TTC5: variants seen among roughly 807,000 people sequenced by gnomAD.
TTC5 encodes the protein tetratricopeptide repeat domain 5, also known as tetratricopeptide repeat protein 5.
Under a neutral mutation model 57.4 loss-of-function variants are expected in TTC5, and 46 were observed. The ratio of observed to expected loss-of-function variants is 0.80; its 90% confidence interval spans 0.63 to 1.03. The LOEUF (loss-of-function observed/expected upper bound fraction) is 1.03. Ranked by LOEUF, TTC5 falls within the 50% of genes least tolerant of loss-of-function variation. TTC5 has a pLI of 0.00. For missense variants in TTC5, 504 were observed against 528.1 expected (o/e 0.95, Z 0.45); for synonymous variants, 190 against 203.5 (o/e 0.93, Z 0.57).
chr14:20,295,935 G>C (rs4981951), intron 6 of TTC5, 81 bp from the exon 7 acceptor site: 256,917 of 1,362,344 alleles, frequency 0.19, 25,732 homozygotes, highest in South Asian at 0.21. Context: ...TAGGAATCTA[G>C]AGAAATAAAC....
intron 6 of TTC5, 106 bp downstream of exon 6, chr14:20,296,284 G>T: frequency 1.1e-6 from 1 of 917,592 alleles, no homozygotes; most frequent in Non-Finnish European, 1.8e-6. Flanking sequence ...TCCTCTCGCA[G>T]TCTGTACCCA....
chr14:20,301,355 T>C (rs1156351333), intron 2 of TTC5, among the ~76,000 whole-genome samples: 1 of 152,170 alleles, frequency 6.6e-6, no homozygotes, highest in African/African-American at 2.4e-5. Context: ...AGAAAGTTCC[T>C]CTACAAGTAA....
chr14:20,297,539 G>A (rs1882091043), intron 5 of TTC5, among the ~76,000 whole-genome samples: 1 of 152,162 alleles, frequency 6.6e-6, no homozygotes, highest in African/African-American at 2.4e-5. Context: ...GGGAGACCGA[G>A]GCGGATGGAT....
chr14:20,295,718 A>G lies in TTC5; in HGVS notation c.833T>C (p.Leu278Pro). ...LEFLDRLTSL[L>P]ESKGKVKTKK... The stretch of plus-strand genomic sequence containing the variant: ...TTCAGACATTTTTACCTTACTCTCA[A>G]GGAGGCTGGTTAATCTATCCAGGAA... Residue 278 changes from leucine (L) to proline (P), a missense_variant, in exon 7 of 10, where the codon CTT (leucine) becomes CCT (proline). Physicochemically the swap from Leu to Pro is moderately conservative, Grantham distance 98. Coordinates refer to ENST00000258821, the MANE Select transcript of TTC5 (RefSeq NM_138376.3). 2 of 1,604,508 alleles carry G rather than the reference A, an allele frequency of 1.2e-6. No homozygotes were observed. The highest frequency in any genetic ancestry group is 1.7e-6 in the Non-Finnish European group (2 of 1,177,682).
At chr14:20,301,695 G>T in intron 2 of TTC5, 138 bp downstream of exon 2, 19 of 1,084,722 alleles carry the variant, frequency 1.8e-5, no homozygotes, top group Non-Finnish European at 2.4e-5. Flanking sequence ...AGGTTGCACA[G>T]GGGCCCTGAG....
chr14:20,295,872 C>T lies in TTC5; in HGVS notation c.697-18G>A, dbSNP rs4981148. ...TTATGCAACTGTACAAGAAGTGTAT[C>T]CCAATTATAAGTATATCCAGACAAA... On this transcript the variant is annotated intron_variant, in intron 6 of 9. Transcript: ENST00000258821. 301,783 of 1,556,134 alleles carry T rather than the reference C, an allele frequency of 0.19. 30,995 individuals are homozygous for T. Among genetic ancestry groups the T allele is most frequent in the South Asian group, 0.22 (17,897 of 82,898 alleles).
At chr14:20,297,627 C>T (rs766184389) in intron 5 of TTC5, among the ~76,000 whole-genome samples, 1 of 151,918 alleles carries the variant, frequency 6.6e-6, no homozygotes, top group African/African-American at 2.4e-5. Flanking sequence ...AAAAATTAGG[C>T]GGGCATGGTG....
At chr14:20,296,742 G>A (rs1474652576) in intron 5 of TTC5, among the ~76,000 whole-genome samples, 2 of 152,186 alleles carry the variant, frequency 1.3e-5, no homozygotes, top group Admixed American at 6.5e-5. Flanking sequence ...GCCGGGCACA[G>A]TGGCTCACAC....
Position 20,287,642 on chromosome 14 carries a change from T to C in TTC5, c.*1985A>G, listed in dbSNP as rs1272964978. The C allele has an allele frequency of 6.6e-6, 1 of 152,224 alleles. No homozygotes were observed. Among genetic ancestry groups the C allele is most frequent in the African/African-American group, 2.4e-5 (1 of 41,468 alleles). 9.4% of individuals were successfully genotyped at this position (152,224 alleles called of 1,614,324 possible). On this transcript the variant is annotated 3_prime_UTR_variant, in exon 10 of 10. Transcript: ENST00000258821. ...TACAAATTTTGCATACTTACTTGTT[T>C]GTACGCACTGCTTCTCTGTGGCTAC...
intron 8 of TTC5, chr14:20,293,196 T>C (rs1276237825): frequency 6.6e-6 from 1 of 152,180 alleles, no homozygotes; most frequent in Admixed American, 6.5e-5. Flanking sequence ...ATAAGCTAAG[T>C]AAAATAAAAT....
At chr14:20,302,926 TG>T (rs1882220908) in intron 1 of TTC5, among the ~76,000 whole-genome samples, 1 of 151,876 alleles carries the variant, frequency 6.6e-6, no homozygotes, top group South Asian at 2.1e-4. Flanking sequence ...TCACCAGGCG[TG>T]GTGGCTCATG....
chr14:20,298,681 G>T, intron 5 of TTC5, 116 bp downstream of exon 5: 1 of 698,268 alleles, frequency 1.4e-6, no homozygotes, highest in Non-Finnish European at 2.4e-6. Context: ...AAAATGAGAT[G>T]CCAGCAAACA....
At chr14:20,296,865 T>C (rs1352103799) in intron 5 of TTC5, among the ~76,000 whole-genome samples, 1 of 151,990 alleles carries the variant, frequency 6.6e-6, no homozygotes, top group Non-Finnish European at 1.5e-5. Flanking sequence ...ATACAAAACT[T>C]AGCTAGGCAT....
intron 3 of TTC5, 85 bp downstream of exon 3, chr14:20,300,522 G>A: frequency 8.4e-7 from 1 of 1,184,478 alleles, no homozygotes; most frequent in South Asian, 1.5e-5. Context: ...TTCTACTCTG[G>A]TATTCATGTC....
chr14:20,289,584 T>G lies in TTC5; in HGVS notation c.*43A>C. On this transcript the variant is annotated 3_prime_UTR_variant, in exon 10 of 10. Coordinates refer to ENST00000258821, the MANE Select transcript of TTC5 (RefSeq NM_138376.3). Reference sequence around the variant, plus strand: ...TGGCTGGACCGGCTGTCCAGAGCCTTGTCTCCTCTCCTCCACTCCCTGTTG... The same window carrying G: ...TGGCTGGACCGGCTGTCCAGAGCCTGGTCTCCTCTCCTCCACTCCCTGTTG... 1 of 1,584,508 alleles carries G rather than the reference T, an allele frequency of 6.3e-7. No individual in the cohort carries two copies. The highest frequency in any genetic ancestry group is 8.6e-7 in the Non-Finnish European group (1 of 1,164,334).
At chr14:20,295,970 T>C in intron 6 of TTC5, 116 bp from the exon 7 acceptor site, 1 of 1,094,508 alleles carries the variant, frequency 9.1e-7, no homozygotes, top group Non-Finnish European at 1.3e-6. Flanking sequence ...GTTATTTTCC[T>C]GTGCTGCAAC....
In TTC5 at chr14:20,292,024, C is replaced by T. The variant is rs1475519015; in HGVS notation, c.1162G>A (p.Glu388Lys). 5.7e-6 allele frequency: 9 copies of T among 1,589,196 alleles called. No individual in the cohort carries two copies. The highest frequency in any genetic ancestry group is 7.7e-6 in the Non-Finnish European group (9 of 1,167,866). ...ATTCGGTGAAGCCGCAGGTTGGGCT[C>T]AGGAATGGCTACAGAGTCTCCAATG... ...VLIGDSVAIP[E>K]PNLRLHRIQH... The change falls in exon 9 of 10, where the codon GAG (glutamate) becomes AAG (lysine). Residue 388 changes from glutamate to lysine, a missense_variant. Physicochemically the swap from Glu to Lys is moderately conservative, Grantham distance 56. Transcript: ENST00000258821.
At chr14:20,298,089 T>A (rs933293768) in intron 5 of TTC5, among the ~76,000 whole-genome samples, 13 of 152,136 alleles carry the variant, frequency 8.5e-5, no homozygotes, top group African/African-American at 3.1e-4. Context: ...TAAAAAGCAA[T>A]TCTCTATATC....
At chr14:20,291,784 T>C (rs1417001072) in intron 9 of TTC5, among the ~76,000 whole-genome samples, 199 bp downstream of exon 9, 2 of 152,120 alleles carry the variant, frequency 1.3e-5, no homozygotes, top group Admixed American at 1.3e-4. Flanking sequence ...TGCATTTTTT[T>C]ATTTTTCTGC....
Sources: allele counts gnomAD v4.1 joint callset (sites outside exome capture counted in the v4.1 genomes callset), GRCh38; gene constraint gnomAD v4.1.1; transcripts MANE v1.5; gene names NCBI Gene and HGNC (gene_info 2026-07-23, HGNC 2026-07-21).